ZBTB38: variants seen among roughly 807,000 people sequenced by gnomAD.
The protein encoded by ZBTB38 is zinc finger and BTB domain containing 38, also known as zinc finger and BTB domain-containing protein 38.
ZBTB38 carries 20 observed loss-of-function variants against 76.8 expected under a neutral mutation model. That is an observed-to-expected ratio of 0.26 (90% CI 0.18 to 0.38). ZBTB38 has a LOEUF of 0.38. Among genes scored for constraint, ZBTB38 ranks in the 10% least tolerant of loss-of-function variants. The probability of loss-of-function intolerance (pLI) is 1.00; values close to 1 mark genes in which losing one functional copy is unlikely to be tolerated. For missense variants in ZBTB38, 1,082 were observed against 1,482.3 expected, an observed-to-expected ratio of 0.73 and a Z score of 4.43; for synonymous variants, 504 against 544.2, an observed-to-expected ratio of 0.93 and a Z score of 1.03.
chr3:141,445,365 G>C lies in ZBTB38; in HGVS notation c.2977G>C (p.Val993Leu). 1 of 1,614,160 alleles carries C rather than the reference G, an allele frequency of 6.2e-7. No individual in the cohort carries two copies. Among genetic ancestry groups the C allele is most frequent in the Non-Finnish European group, 8.5e-7 (1 of 1,180,022 alleles). The change falls in exon 6 of 6, where the codon GTG becomes CTG. Residue 993 changes from valine (V) to leucine (L), a missense_variant. This residue lies in a region of ZBTB38 where 471 missense variants were observed against 581.0 expected (regional missense o/e 0.81). Transcript: ENST00000321464. This position sits in a 1 kb window ranked among gnomAD's most constrained non-coding sequence, Gnocchi z 6.5. The part of the protein sequence containing the change: ...QCELCDGDKA[V>L]GAGNQGRPHR... The stretch of plus-strand genomic sequence containing the variant: ...TGAACTCTGTGATGGAGACAAAGCA[G>C]TGGGGGCTGGAAACCAAGGAAGGCC...
At chr3:141,325,836 A>G (rs1942657132) in intron 1 of ZBTB38, among the ~76,000 whole-genome samples, 1 of 152,186 alleles carries the variant, frequency 6.6e-6, no homozygotes, top group Admixed American at 6.5e-5. Context: ...ACAAATAAAT[A>G]TACATCTTAG....
At chr3:141,408,626 T>C (rs577205349) in intron 5 of ZBTB38, among the ~76,000 whole-genome samples, 2 of 152,364 alleles carry the variant, frequency 1.3e-5, no homozygotes, top group African/African-American at 2.4e-5. Context: ...CAACAAAGGA[T>C]TGAGATATAT....
intron 1 of ZBTB38, among the ~76,000 whole-genome samples, chr3:141,328,832 C>T (rs1366415226): frequency 6.6e-6 from 1 of 152,156 alleles, no homozygotes; most frequent in Non-Finnish European, 1.5e-5. Context: ...CCAAACGCAC[C>T]TTCTGCTCCC....
chr3:141,432,457 G>GC (rs1246921621), intron 5 of ZBTB38, among the ~76,000 whole-genome samples: 1 of 152,102 alleles, frequency 6.6e-6, no homozygotes, highest in Admixed American at 6.6e-5. Context: ...GTTCAGTCTG[G>GC]CCCTGGAGAG....
chr3:141,361,862 C>T (rs1943834948), intron 1 of ZBTB38, among the ~76,000 whole-genome samples: 1 of 152,198 alleles, frequency 6.6e-6, no homozygotes, highest in African/African-American at 2.4e-5. Context: ...ACTTTATGCT[C>T]TGATGAGTTG....
At chr3:141,363,681 A>G (rs1378824934), upstream of ZBTB38, among the ~76,000 whole-genome samples, 2 of 152,228 alleles carry the variant, frequency 1.3e-5, no homozygotes, top group East Asian at 3.8e-4. Flanking sequence ...ATAGTTTTTT[A>G]AATAAACTCT....
chr3:141,329,930 A>G (rs1030430136), intron 1 of ZBTB38, among the ~76,000 whole-genome samples: 1 of 152,102 alleles, frequency 6.6e-6, no homozygotes, highest in African/African-American at 2.4e-5. Flanking sequence ...AGAGTTCAAG[A>G]CTAGCCTGGG....
intron 3 of ZBTB38, among the ~76,000 whole-genome samples, chr3:141,382,811 G>A (rs1946386737): frequency 6.6e-6 from 1 of 152,160 alleles, no homozygotes; most frequent in African/African-American, 2.4e-5. Flanking sequence ...ATGAACAGAG[G>A]TAGTCAGGGC....
upstream of ZBTB38, among the ~76,000 whole-genome samples, chr3:141,363,619 G>C (rs2148964729): frequency 6.6e-6 from 1 of 152,182 alleles, no homozygotes; most frequent in African/African-American, 2.4e-5. Flanking sequence ...TTTTGACAAA[G>C]GGGCCAAGAC....
intron 1 of ZBTB38, among the ~76,000 whole-genome samples, chr3:141,356,260 C>G (rs1039563604): frequency 3.9e-5 from 6 of 152,104 alleles, no homozygotes; most frequent in Non-Finnish European, 8.8e-5. Flanking sequence ...ATTTCCTGCA[C>G]AGCAGTTGGA....
At chr3:141,411,468 A>T (rs908076333) in intron 5 of ZBTB38, among the ~76,000 whole-genome samples, 2 of 152,338 alleles carry the variant, frequency 1.3e-5, no homozygotes, top group South Asian at 2.1e-4. Flanking sequence ...TACAGCCATA[A>T]CCGGTGCCTG....
intron 5 of ZBTB38, chr3:141,432,007 C>T (rs1005491422): frequency 3.9e-5 from 29 of 748,382 alleles, no homozygotes; most frequent in East Asian, 1.3e-4. Flanking sequence ...AGATCTGATG[C>T]GTGTGTTTCT....
chr3:141,356,210 C>T (rs1477403886), intron 1 of ZBTB38, among the ~76,000 whole-genome samples: 2 of 152,022 alleles, frequency 1.3e-5, no homozygotes, highest in Non-Finnish European at 2.9e-5. Flanking sequence ...GCTGCTGTGC[C>T]CTGGGACCAT....
upstream of ZBTB38, among the ~76,000 whole-genome samples, chr3:141,365,534 A>C (rs868585860): frequency 6.6e-6 from 1 of 152,220 alleles, no homozygotes. Context: ...CCATTAATCC[A>C]TGAGTGGATT....
At chr3:141,358,864 T>G (rs1037954838) in intron 1 of ZBTB38, among the ~76,000 whole-genome samples, 4 of 152,210 alleles carry the variant, frequency 2.6e-5, no homozygotes, top group African/African-American at 9.6e-5. Flanking sequence ...TTTGGCACAA[T>G]ACTACCACTA....
upstream of ZBTB38, chr3:141,366,875 C>A (rs1943990431): frequency 6.6e-6 from 1 of 152,198 alleles, no homozygotes; most frequent in African/African-American, 2.4e-5. Flanking sequence ...GGAGAAGCTA[C>A]CTCGTAGGTC....
At chr3:141,425,341 G>T (rs186456052) in intron 5 of ZBTB38, among the ~76,000 whole-genome samples, 97 of 152,292 alleles carry the variant, frequency 6.4e-4, no homozygotes, top group African/African-American at 2.3e-3. Context: ...ATCTTGAAAT[G>T]GGAGTGGATA....
chr3:141,445,551 A>G lies in ZBTB38; in HGVS notation c.3163A>G (p.Lys1055Glu). 6.2e-7 allele frequency: 1 copy of G among 1,614,230 alleles called. No individual in the cohort carries two copies. Among genetic ancestry groups the G allele is most frequent in the Non-Finnish European group, 8.5e-7 (1 of 1,180,034 alleles). ...RCFSVQGNLQ[K>E]HERIHLGLKE... ...CTTTTCGGTGCAAGGAAACTTACAG[A>G]AACATGAACGCATCCACCTGGGCTT... The change falls in exon 6 of 6, where the codon AAA (lysine) becomes GAA (glutamate). Residue 1055 changes from lysine (K) to glutamate (E), a missense_variant. Around this residue, in one of 8 missense-constraint regions of ZBTB38, gnomAD observed 69 missense variants for 148.2 expected, o/e 0.47. Coordinates refer to ENST00000321464, the MANE Select transcript of ZBTB38 (RefSeq NM_001376113.1). This position sits in a 1 kb window ranked among gnomAD's most constrained non-coding sequence, Gnocchi z 6.5.
At chr3:141,364,566 A>G (rs146767786), upstream of ZBTB38, among the ~76,000 whole-genome samples, 303 of 150,628 alleles carry the variant, frequency 2.0e-3, 1 homozygote, top group African/African-American at 7.1e-3. Context: ...AATCCCAGCT[A>G]CTCGGGAGGC....
Sources: allele counts gnomAD v4.1 joint callset (sites outside exome capture counted in the v4.1 genomes callset), GRCh38; gene constraint gnomAD v4.1.1; regional missense constraint gnomAD v4.1.1; non-coding constraint Gnocchi (gnomAD v3.1); transcripts MANE v1.5; gene names NCBI Gene and HGNC (gene_info 2026-07-23, HGNC 2026-07-21).